The following MID1 variants were observed in gnomAD, a reference collection of about 807,000 sequenced individuals.
The protein encoded by MID1 is E3 ubiquitin-protein ligase Midline-1.
Under a neutral mutation model 40.4 loss-of-function variants are expected in MID1, and 7 were observed. The ratio of observed to expected loss-of-function variants is 0.17; its 90% CI spans 0.10 to 0.33. The LOEUF is 0.33. Among genes scored for constraint, MID1 ranks in the 10% least tolerant of loss-of-function variants. MID1 has a pLI of 1.00. For synonymous variants in MID1, 229 were observed against 221.2 expected, an observed-to-expected ratio of 1.04 and a Z score of -0.31; for missense variants, 367 against 558.5, an observed-to-expected ratio of 0.66 and a Z score of 3.46.
chrX:10,465,214 T>TATATATATATACACACAC (rs1477864693), intron 7 of MID1, among the ~76,000 whole-genome samples: 51 of 39,886 alleles, frequency 1.3e-3, no homozygotes, highest in Non-Finnish European at 1.9e-3. Context: ...TATATATATA[T>TATATATATATACACACAC]ACACACACAC....
chrX:10,802,391 GAA>G (rs775288896), intron 1 of MID1, among the ~76,000 whole-genome samples: 14 of 111,244 alleles, frequency 1.3e-4, no homozygotes, highest in Admixed American at 3.8e-4. Flanking sequence ...AGACACTTCT[GAA>G]AAGAGACATA....
intron 1 of MID1, among the ~76,000 whole-genome samples, chrX:10,671,737 G>C (rs963324527): frequency 9.0e-6 from 1 of 111,114 alleles, no homozygotes; most frequent in Non-Finnish European, 1.9e-5. Context: ...GATTCTCTCA[G>C]AAGTCATGTT....
intron 2 of MID1, among the ~76,000 whole-genome samples, chrX:10,549,721 C>G (rs763585403): frequency 2.7e-5 from 3 of 112,989 alleles, no homozygotes; most frequent in African/African-American, 6.4e-5. Context: ...TGGGGAAACC[C>G]CAATGCCTGA....
At chrX:10,586,167 G>C (rs1935137738) in intron 1 of MID1, among the ~76,000 whole-genome samples, 1 of 111,749 alleles carries the variant, frequency 8.9e-6, no homozygotes, top group African/African-American at 3.3e-5. Context: ...TAATAGGACT[G>C]TAGCAACCTT....
At chrX:10,783,662 T>A (rs2147134054) in intron 1 of MID1, among the ~76,000 whole-genome samples, 1 of 112,345 alleles carries the variant, frequency 8.9e-6, no homozygotes. Context: ...TTGAGACAGA[T>A]CAGAATGTTA....
chrX:10,490,144 C>G (rs757595069), intron 4 of MID1, among the ~76,000 whole-genome samples: 3 of 111,600 alleles, frequency 2.7e-5, no homozygotes, highest in Admixed American at 1.9e-4. Flanking sequence ...GAACAGAAAT[C>G]ATAACTTTTC....
intron 1 of MID1, among the ~76,000 whole-genome samples, chrX:10,643,405 C>T (rs1279956431): frequency 4.5e-5 from 5 of 111,560 alleles, no homozygotes; most frequent in Non-Finnish European, 7.5e-5. Flanking sequence ...CCAACAGACA[C>T]GTGAAAAAAT....
chrX:10,496,469 C>T (rs1931258995), intron 3 of MID1, among the ~76,000 whole-genome samples: 1 of 112,288 alleles, frequency 8.9e-6, no homozygotes, highest in Admixed American at 9.4e-5. Context: ...TCCTCCATCT[C>T]ATGGCAATTC....
intron 1 of MID1, among the ~76,000 whole-genome samples, chrX:10,825,408 A>T (rs773570513): frequency 1.8e-5 from 2 of 112,020 alleles, no homozygotes; most frequent in Non-Finnish European, 3.8e-5. Context: ...CGCTGAGGTC[A>T]CTCAAGGGTA....
chrX:10,517,447 T>C (rs1429856320), intron 3 of MID1, among the ~76,000 whole-genome samples: 1 of 112,382 alleles, frequency 8.9e-6, no homozygotes, highest in Non-Finnish European at 1.9e-5. Context: ...TTGTTTTGCA[T>C]GACAATATCC....
At chrX:10,607,564 C>T (rs1391773971) in intron 1 of MID1, among the ~76,000 whole-genome samples, 4 of 112,344 alleles carry the variant, frequency 3.6e-5, no homozygotes, top group Non-Finnish European at 1.9e-5. Context: ...GTATGTATGT[C>T]TGTGTATATG....
At chrX:10,542,098 T>C in intron 2 of MID1, among the ~76,000 whole-genome samples, 1 of 112,188 alleles carries the variant, frequency 8.9e-6, no homozygotes, top group Non-Finnish European at 1.9e-5. Context: ...AAATCATTCA[T>C]AGAATTTTAA....
intron 3 of MID1, among the ~76,000 whole-genome samples, chrX:10,521,016 G>A (rs761696445): frequency 2.8e-5 from 3 of 108,819 alleles, no homozygotes; most frequent in South Asian, 4.1e-4. Flanking sequence ...GCATGTGCTC[G>A]GCTTCTGATG....
Position 10,502,087 on chromosome X carries a change from T to G in MID1, c.757-6396A>C, listed in dbSNP as rs941885917. 4.4e-5 allele frequency among the ~76,000 whole-genome samples: 5 copies of G among 112,426 alleles called. No homozygotes were observed. The Admixed American group carries it at 4.7e-4, about 11-fold the overall frequency. On this transcript the variant is annotated intron_variant, in intron 3 of 9. Coordinates refer to ENST00000317552, the MANE Select transcript of MID1 (RefSeq NM_000381.4). ...TCTTTTAATTTGACTTGTATTCAAC[T>G]GCAAAATGAGATGTTCAGTGCAGAG...
At chrX:10,636,818 A>ATATATATATATATATATATT (rs1936123109) in intron 1 of MID1, among the ~76,000 whole-genome samples, 1 of 89,375 alleles carries the variant, frequency 1.1e-5, no homozygotes, top group African/African-American at 4.1e-5. Context: ...ATATATATAT[A>ATATATATATATATATATATT]CACCACTGGT....
At chrX:10,476,055 G>A (rs1929990512) in intron 5 of MID1, among the ~76,000 whole-genome samples, 1 of 111,471 alleles carries the variant, frequency 9.0e-6, no homozygotes, top group Admixed American at 9.6e-5. Context: ...ATGAAACACT[G>A]ACACACGCTA....
At chrX:10,711,759 T>C (rs139966712) in intron 1 of MID1, among the ~76,000 whole-genome samples, 2,175 of 112,678 alleles carry the variant, frequency 0.019, 50 homozygotes, top group African/African-American at 0.066. Flanking sequence ...TAGTGGCATG[T>C]TCTTACGAAT....
intron 1 of MID1, among the ~76,000 whole-genome samples, chrX:10,640,001 A>AGCTCTT (rs1189102072): frequency 8.9e-6 from 1 of 111,896 alleles, no homozygotes; most frequent in Non-Finnish European, 1.9e-5. Context: ...GCCTTACAAG[A>AGCTCTT]GCTCCTGAAG....
intron 1 of MID1, among the ~76,000 whole-genome samples, chrX:10,615,426 T>A (rs1935823062): frequency 8.9e-6 from 1 of 112,511 alleles, no homozygotes; most frequent in South Asian, 3.7e-4. Flanking sequence ...AGCCTTTATA[T>A]TATATTCATC....
Sources: gnomAD v4.1 joint callset for allele counts (sites outside exome capture counted in the v4.1 genomes callset) on GRCh38, gnomAD v4.1.1 for gene constraint, MANE v1.5 for transcripts, NCBI Gene and HGNC (gene_info 2026-07-23, HGNC 2026-07-21) for gene names.